The following CHD9 variants were observed in gnomAD, a reference collection of about 807,000 sequenced individuals.
CHD9 encodes ATP-dependent chromatin remodeler CHD9.
CHD9 carries 77 observed loss-of-function variants against 316.1 expected under a neutral mutation model. The ratio of observed to expected loss-of-function variants is 0.24; its 90% confidence interval spans 0.20 to 0.29. The LOEUF (loss-of-function observed/expected upper bound fraction) is 0.29, where lower values mean the gene tolerates loss of function less well. CHD9 is among the 10% of genes least tolerant of loss of function. The pLI is 1.00. For synonymous variants in CHD9, 1,129 were observed against 1,158.3 expected, an observed-to-expected ratio of 0.97 and a Z score of 0.51; for missense variants, 2,763 against 3,438.1, an observed-to-expected ratio of 0.80 and a Z score of 4.91.
intron 22 of CHD9, among the ~76,000 whole-genome samples, chr16:53,270,567 G>A (rs1160805976): frequency 6.6e-6 from 1 of 152,026 alleles, no homozygotes; most frequent in Admixed American, 6.6e-5. Flanking sequence ...TGAAAGATTG[G>A]GGGTGAACAA....
intron 27 of CHD9, among the ~76,000 whole-genome samples, chr16:53,291,499 A>G (rs961387765): frequency 3.3e-5 from 5 of 152,224 alleles, no homozygotes; most frequent in Admixed American, 2.0e-4. Flanking sequence ...AAAAGGAAAT[A>G]CTTTTAGTAA....
At chr16:53,250,968 T>G (rs2152968097) in intron 17 of CHD9, among the ~76,000 whole-genome samples, 1 of 152,304 alleles carries the variant, frequency 6.6e-6, no homozygotes, top group East Asian at 1.9e-4. Context: ...TAATAAATGG[T>G]TATTGAGAAT....
chr16:53,066,640 A>G (rs773605172), intron 1 of CHD9, among the ~76,000 whole-genome samples: 5 of 151,698 alleles, frequency 3.3e-5, no homozygotes, highest in Non-Finnish European at 4.4e-5. Context: ...ATTTAACCTC[A>G]GGGAGTCTGG....
At chr16:53,114,515 C>T (rs12930444) in intron 1 of CHD9, among the ~76,000 whole-genome samples, 32,777 of 152,096 alleles carry the variant, frequency 0.22, 4,021 homozygotes, top group South Asian at 0.33. Flanking sequence ...GCCTTGGCCT[C>T]CCAAAGTGCT....
At position 53,156,798 on chromosome 16, in the gene CHD9, C is replaced by T; in HGVS notation, c.709C>T (p.Pro237Ser). ...SMQQFSQTSN[P>S]SAHFHKCSSH... ...GCAGCAATTTTCTCAAACGTCAAAT[C>T]CTTCAGCACACTTCCACAAGTGTAG... is the stretch of plus-strand genomic sequence containing the variant. Residue 237 changes from proline to serine, a missense_variant, in exon 2 of 39, where the codon CCT becomes TCT. Pro to Ser is a moderately conservative substitution (Grantham distance 74, BLOSUM62 -1). Transcript: ENST00000447540. The T allele has an allele frequency of 6.2e-7, 1 of 1,613,838 alleles. No homozygotes were observed. The highest frequency in any genetic ancestry group is 8.5e-7 in the Non-Finnish European group (1 of 1,179,886).
At chr16:53,273,477 T>G (rs886199432) in intron 22 of CHD9, 149 bp from the exon 23 acceptor site, 1 of 502,852 alleles carries the variant, frequency 2.0e-6, no homozygotes. Context: ...TCATCTTGAT[T>G]TGTGGTTGGG....
rs201945330 is a variant in CHD9 at position 53,314,785 on chromosome 16, G to A, written c.7363-38G>A. On this transcript the variant is annotated intron_variant, in intron 35 of 38. Coordinates refer to ENST00000447540, the MANE Select transcript of CHD9 (RefSeq NM_001308319.2). The stretch of plus-strand genomic sequence containing the variant: ...ATTGAACCAATATTAGAATGATAAA[G>A]TATGAAAATAAAGATACCATTTGGT... 7.8e-6 allele frequency: 11 copies of A among 1,411,016 alleles called. No homozygotes were observed. In the Middle Eastern group the frequency reaches 5.4e-4, roughly 70 times the overall value. The allele number at this position is 1,411,016 out of a possible 1,614,324, so 87.4% of individuals were successfully genotyped here.
intron 1 of CHD9, among the ~76,000 whole-genome samples, chr16:53,131,718 C>T (rs1456376658): frequency 1.1e-4 from 16 of 152,100 alleles, no homozygotes; most frequent in Admixed American, 1.0e-3. Context: ...GCCTCTTTCC[C>T]TGCCCGTGCT....
chr16:53,306,084 T>A (rs2055941264), intron 31 of CHD9, 153 bp from the exon 32 acceptor site: 1 of 460,986 alleles, frequency 2.2e-6, no homozygotes, highest in African/African-American at 2.0e-5. Context: ...GTGCTTTTTT[T>A]ATATTCTAGG....
chr16:53,314,781 T>C, intron 35 of CHD9, 42 bp from the exon 36 acceptor site: 1 of 1,396,034 alleles, frequency 7.2e-7, no homozygotes, highest in African/African-American at 1.4e-5. Context: ...ATTAGAATGA[T>C]AAAGTATGAA....
At chr16:53,148,390 C>T (rs181394669) in intron 1 of CHD9, among the ~76,000 whole-genome samples, 79 of 152,288 alleles carry the variant, frequency 5.2e-4, no homozygotes, top group African/African-American at 1.4e-3. Context: ...TACAGGCACA[C>T]GTACCCGTCT....
At chr16:53,059,848 A>T (rs1462867485) in intron 1 of CHD9, among the ~76,000 whole-genome samples, 1 of 152,250 alleles carries the variant, frequency 6.6e-6, no homozygotes, top group East Asian at 1.9e-4. Flanking sequence ...GAAATGACGT[A>T]CAGTAAGTCC....
At chr16:53,096,049 T>C (rs1185643723) in intron 1 of CHD9, among the ~76,000 whole-genome samples, 1 of 151,466 alleles carries the variant, frequency 6.6e-6, no homozygotes, top group African/African-American at 2.4e-5. Context: ...GCAAGGGGAC[T>C]GTGAAGATTT....
chr16:53,148,514 CTTG>C (rs1446286733), intron 1 of CHD9, among the ~76,000 whole-genome samples: 5 of 152,248 alleles, frequency 3.3e-5, no homozygotes, highest in Admixed American at 6.5e-5. Context: ...TTCTCCAACA[CTTG>C]TTGTTTATTT....
intron 8 of CHD9, among the ~76,000 whole-genome samples, chr16:53,231,137 G>A (rs919215851): frequency 2.6e-5 from 4 of 152,160 alleles, no homozygotes; most frequent in Non-Finnish European, 4.4e-5. Context: ...GCAACCTGAG[G>A]AAAAGCGTAA....
intron 2 of CHD9, among the ~76,000 whole-genome samples, chr16:53,183,941 T>C (rs897216664): frequency 1.5e-4 from 23 of 149,002 alleles, no homozygotes; most frequent in Non-Finnish European, 2.2e-4. Flanking sequence ...CCTGGCTAAT[T>C]TTTTTTTTTT....
chr16:53,064,292 A>G (rs2152502619), intron 1 of CHD9, among the ~76,000 whole-genome samples: 1 of 152,218 alleles, frequency 6.6e-6, no homozygotes, highest in East Asian at 1.9e-4. Context: ...TTTCTGTTGC[A>G]TGTTCTTGGC....
intron 1 of CHD9, among the ~76,000 whole-genome samples, chr16:53,095,656 G>A (rs775129217): frequency 4.6e-5 from 7 of 152,292 alleles, no homozygotes; most frequent in African/African-American, 7.2e-5. Flanking sequence ...CACCCATAGC[G>A]TAGCATTCAG....
At chr16:53,208,720 A>C in intron 2 of CHD9, 1 of 986,048 alleles carries the variant, frequency 1.0e-6, no homozygotes, top group Non-Finnish European at 1.2e-6. Flanking sequence ...GTAAGAACAT[A>C]ACAAAACTGT....
Sources: gnomAD v4.1 joint callset for allele counts (sites outside exome capture counted in the v4.1 genomes callset) on GRCh38, gnomAD v4.1.1 for gene constraint, MANE v1.5 for transcripts, NCBI Gene and HGNC (gene_info 2026-07-23, HGNC 2026-07-21) for gene names.